COL12A1: variants seen among roughly 807,000 people sequenced by gnomAD.
The protein encoded by COL12A1 is collagen alpha-1(XII) chain.
COL12A1 carries 114 observed loss-of-function variants against 349.7 expected under a neutral mutation model. That is an observed-to-expected ratio of 0.33 (90% CI 0.28 to 0.38). The LOEUF (loss-of-function observed/expected upper bound fraction) is 0.38. Ranked by LOEUF, COL12A1 falls within the 10% of genes least tolerant of loss-of-function variation. The pLI is 1.00. For synonymous variants in COL12A1, 1,369 were observed against 1,329.0 expected, an observed-to-expected ratio of 1.03 and a Z score of -0.66; for missense variants, 3,284 against 3,756.9, an observed-to-expected ratio of 0.87 and a Z score of 3.29.
At position 75,192,342 on chromosome 6, in the gene COL12A1, T is replaced by A. The variant is rs1769975940; in HGVS notation, c.204A>T (p.Lys68Asn). 1 of 1,611,050 alleles carries A rather than the reference T, an allele frequency of 6.2e-7. No homozygotes were observed. Among genetic ancestry groups the A allele is most frequent in the Non-Finnish European group, 8.5e-7 (1 of 1,178,446 alleles). The stretch of plus-strand genomic sequence containing the variant: ...TGGTACTAGCTGAAAGGGTAAATTC[T>A]TTAGTAGGCCCATCTGGAAATATAA... ...TVDPTTDGPT[K>N]EFTLSASTTE... is the part of the protein sequence containing the mutation. The change falls in exon 4 of 66, where the codon AAA (lysine) becomes AAT (asparagine). Residue 68 changes from lysine (K) to asparagine (N), a missense_variant. Transcript: ENST00000322507.
In COL12A1 at chr6:75,183,597, G is replaced by A. The variant is rs1004269418; in HGVS notation, c.1344C>T (p.Ser448=). The A allele has an allele frequency of 2.6e-5, 42 of 1,613,434 alleles. No homozygotes were observed. The highest frequency in any genetic ancestry group is 3.6e-5 in the Non-Finnish European group (42 of 1,179,886). The part of the protein sequence containing the change: ...KADIVFLVDG[S]YSIGIANFVK... ...CAAAGTTTGCAATCCCAATGCTATA[G>A]GAGCCATCAACCAAAAACACAATAT... is the stretch of plus-strand genomic sequence containing the variant. The change falls in exon 10 of 66, where the codon TCC becomes TCT. Residue 448 remains serine (S), a synonymous_variant. Transcript: ENST00000322507.
intron 3 of COL12A1, among the ~76,000 whole-genome samples, chr6:75,192,796 G>A (rs1770010944): frequency 6.6e-6 from 1 of 152,086 alleles, no homozygotes; most frequent in South Asian, 2.1e-4. Flanking sequence ...AAACCCCATA[G>A]GTTAAGACCA....
At chr6:75,204,278 A>G (rs1562338544) in intron 1 of COL12A1, among the ~76,000 whole-genome samples, 1 of 152,004 alleles carries the variant, frequency 6.6e-6, no homozygotes, top group African/African-American at 2.4e-5. Context: ...ATAATTTCCA[A>G]CTCAGTTGGC....
rs775466928 is a variant in COL12A1 at position 75,183,263 on chromosome 6, G to T, written c.1678C>A (p.Pro560Thr). 1.4e-5 allele frequency: 23 copies of T among 1,614,038 alleles called. No homozygotes were observed. The Admixed American group carries it at 3.8e-4, about 27-fold the overall frequency. ...TCTGAATTCCTCAGTTTTATCGCAG[G>T]ATCTCTGAAAGCATCTGATGATTTC... ...DGKSSDAFRD[P>T]AIKLRNSDVE... Residue 560 changes from proline (P) to threonine (T), a missense_variant, in exon 10 of 66, where the codon CCT becomes ACT. Physicochemically the swap from Pro to Thr is conservative, Grantham distance 38 (BLOSUM62 -1). Coordinates refer to ENST00000322507, the MANE Select transcript of COL12A1 (RefSeq NM_004370.6).
intron 42 of COL12A1, among the ~76,000 whole-genome samples, 153 bp from the exon 43 acceptor site, chr6:75,123,557 T>C (rs985219450): frequency 6.6e-6 from 1 of 152,212 alleles, no homozygotes; most frequent in African/African-American, 2.4e-5. Flanking sequence ...CTGGGGATTT[T>C]ATTCCATCCA....
chr6:75,177,235 C>G (rs1042602618), intron 12 of COL12A1, among the ~76,000 whole-genome samples: 1 of 152,022 alleles, frequency 6.6e-6, no homozygotes, highest in Non-Finnish European at 1.5e-5. Context: ...TCAGGAGTCT[C>G]AGACCAGCCT....
At position 75,090,183 on chromosome 6, in the gene COL12A1, T is replaced by C. The variant is rs942666795; in HGVS notation, c.8868A>G (p.Arg2956=). The C allele has an allele frequency of 5.6e-6, 9 of 1,614,132 alleles. No individual in the cohort carries two copies. Among genetic ancestry groups the C allele is most frequent in the Non-Finnish European group, 7.6e-6 (9 of 1,180,022 alleles). Residue 2956 remains arginine, a synonymous_variant, in exon 63 of 66, where the codon AGA becomes AGG. Transcript: ENST00000322507. This position sits in a 1 kb window ranked among gnomAD's most constrained non-coding sequence, Gnocchi z 4.1. ...PPGPPGSAGA[R]GEPGPGGRPG... The stretch of plus-strand genomic sequence containing the variant: ...GCCGCCCCCCAGGCCCAGGTTCTCC[T>C]CTGGCTCCTGCGCTACCAGGAGGTC...
chr6:75,092,835 G>A (rs1027658280), intron 60 of COL12A1, among the ~76,000 whole-genome samples: 1 of 151,008 alleles, frequency 6.6e-6, no homozygotes, highest in East Asian at 1.9e-4. Flanking sequence ...GGGCTACATG[G>A]TCCATATGAT....
chr6:75,130,437 T>A (rs1766245601), intron 36 of COL12A1, among the ~76,000 whole-genome samples: 1 of 152,188 alleles, frequency 6.6e-6, no homozygotes, highest in Admixed American at 6.5e-5. Flanking sequence ...TTCAGTGACC[T>A]AGAGCTAGCT....
At chr6:75,117,353 G>A (rs767262982) in intron 47 of COL12A1, 29 bp downstream of exon 47, 13 of 1,608,304 alleles carry the variant, frequency 8.1e-6, no homozygotes, top group Non-Finnish European at 7.7e-6. Context: ...AATAAGTGAG[G>A]TTATAGATCC....
At position 75,189,658 on chromosome 6, in the gene COL12A1, G is replaced by A. The variant is rs372356221; in HGVS notation, c.552C>T (p.Tyr184=). The A allele has an allele frequency of 2.5e-5, 40 of 1,613,254 alleles. No homozygotes were observed. Among genetic ancestry groups the A allele is most frequent in the Non-Finnish European group, 3.2e-5 (38 of 1,179,472 alleles). Residue 184 remains tyrosine, a synonymous_variant, in exon 6 of 66, where the codon TAC becomes TAT. Coordinates refer to ENST00000322507, the MANE Select transcript of COL12A1 (RefSeq NM_004370.6). ...TAAATTCAGTCCTGGTATCAGAGCT[G>A]TATTGAACAACTCCAACTCTTGTCT... The part of the protein sequence containing the change: ...EEKTRVGVVQ[Y]SSDTRTEFNL...
At chr6:75,112,721 T>A (rs905294028) in intron 51 of COL12A1, among the ~76,000 whole-genome samples, 2 of 151,692 alleles carry the variant, frequency 1.3e-5, no homozygotes, top group East Asian at 3.9e-4. Flanking sequence ...ACTTTTGGAT[T>A]GATAAAAATA....
chr6:75,107,344 C>T (rs1010378700), intron 52 of COL12A1, among the ~76,000 whole-genome samples: 1 of 152,076 alleles, frequency 6.6e-6, no homozygotes, highest in African/African-American at 2.4e-5. Context: ...GATCTTGGCT[C>T]ACTGCAACCT....
At chr6:75,121,191 G>T in intron 44 of COL12A1, 111 bp downstream of exon 44, 1 of 986,788 alleles carries the variant, frequency 1.0e-6, no homozygotes, top group Non-Finnish European at 1.4e-6. Flanking sequence ...ATAGCAAATA[G>T]GAGAAGGTCA....
At chr6:75,121,995 G>A (rs1388073956) in intron 43 of COL12A1, among the ~76,000 whole-genome samples, 1 of 151,884 alleles carries the variant, frequency 6.6e-6, no homozygotes, top group East Asian at 1.9e-4. Flanking sequence ...GAGTAGCTGG[G>A]ACTACAGGCA....
In COL12A1 at chr6:75,133,942, C is replaced by T. The variant is rs1453030377; in HGVS notation, c.5580G>A (p.Leu1860=). 5 of 1,614,060 alleles carry T rather than the reference C, an allele frequency of 3.1e-6. No homozygotes were observed. In the Admixed American group the frequency reaches 5.0e-5, roughly 16 times the overall value. ...LRVYDPSTST[L]NVRWDHAEGN... ...CCTCTGCATGGTCCCAGCGGACATT[C>T]AAGGTGCTGGTAGAAGGGTCATACA... The change falls in exon 33 of 66, where the codon TTG becomes TTA. Residue 1860 remains leucine (L), a synonymous_variant. Transcript: ENST00000322507.
At position 75,105,274 on chromosome 6, in the gene COL12A1, G is replaced by A. The variant is rs752473422; in HGVS notation, c.8197C>T (p.Pro2733Ser). ...IPSRRDEGKC[P>S]AFPNSCTCTQ... ...CATGTGCAAGAATTTGGAAAAGCAG[G>A]GCATTTTCCCTCATCTCTCTGAAAT... The change falls in exon 54 of 66, where the codon CCT (proline) becomes TCT (serine). Residue 2733 changes from proline (P) to serine (S), a missense_variant. This residue lies in a region of COL12A1 where 683 missense variants were observed against 932.1 expected (regional missense o/e 0.73). Coordinates refer to ENST00000322507, the MANE Select transcript of COL12A1 (RefSeq NM_004370.6). 1.2e-6 allele frequency: 2 copies of A among 1,613,350 alleles called. No homozygotes were observed. Among genetic ancestry groups the A allele is most frequent in the South Asian group, 2.2e-5 (2 of 91,016 alleles).
intron 14 of COL12A1, among the ~76,000 whole-genome samples, chr6:75,163,045 C>T (rs768654003): frequency 7.2e-5 from 11 of 152,268 alleles, no homozygotes; most frequent in African/African-American, 1.2e-4. Context: ...GAAATAGGAA[C>T]GCTTTTACAC....
intron 10 of COL12A1, 89 bp from the exon 11 acceptor site, chr6:75,181,300 A>C (rs1229253768): frequency 1.5e-6 from 2 of 1,311,752 alleles, no homozygotes; most frequent in Non-Finnish European, 2.1e-6. Flanking sequence ...AAAATGGCTT[A>C]CATTAATTTG....
Sources: allele counts gnomAD v4.1 joint callset (sites outside exome capture counted in the v4.1 genomes callset), GRCh38; gene constraint gnomAD v4.1.1; regional missense constraint gnomAD v4.1.1; non-coding constraint Gnocchi (gnomAD v3.1); transcripts MANE v1.5; gene names NCBI Gene and HGNC (gene_info 2026-07-23, HGNC 2026-07-21).